HPSE2: variants seen among roughly 807,000 people sequenced by gnomAD.
HPSE2 encodes the protein heparanase 2 (inactive).
A neutral mutation model predicts 60.5 loss-of-function variants in HPSE2; 38 were observed. That is an observed-to-expected ratio of 0.63 (90% confidence interval 0.48 to 0.82). The LOEUF is 0.82. HPSE2 is among the 40% of genes least tolerant of loss of function. The pLI is 0.00. For synonymous variants in HPSE2, 295 were observed against 293.2 expected (o/e 1.01, Z -0.06); for missense variants, 713 against 740.4 (o/e 0.96, Z 0.43).
At chr10:98,688,542 C>T (rs1459976875) in intron 6 of HPSE2, among the ~76,000 whole-genome samples, 1 of 133,756 alleles carries the variant, frequency 7.5e-6, no homozygotes, top group African/African-American at 2.8e-5. Context: ...ATGATACTAT[C>T]TCGGCTAACT....
In HPSE2 at chr10:99,126,423, C is replaced by G. The variant is rs868849897; in HGVS notation, c.610+17815G>C. ...ATCCAAGCTTTATGGCCCCACCCAT[C>G]GCCTGGGAAACCAGAATAGTTACCC... On this transcript the variant is annotated intron_variant, in intron 3 of 11. Transcript: ENST00000370552. This position sits in a 1 kb window ranked among gnomAD's most constrained non-coding sequence, Gnocchi z 4.0. Among the ~76,000 whole-genome samples, 26 of 152,090 alleles carry G rather than the reference C, an allele frequency of 1.7e-4. No individual in the cohort carries two copies. The highest frequency in any genetic ancestry group is 5.3e-4 in the African/African-American group (22 of 41,398).
At chr10:98,802,840 A>G (rs1454610853) in intron 3 of HPSE2, among the ~76,000 whole-genome samples, 10 of 143,990 alleles carry the variant, frequency 6.9e-5, no homozygotes, top group Non-Finnish European at 1.5e-5. Flanking sequence ...ATACCCAGTA[A>G]TGGGATGGCT....
intron 6 of HPSE2, among the ~76,000 whole-genome samples, chr10:98,656,844 C>G (rs1372160738): frequency 6.6e-6 from 1 of 151,554 alleles, no homozygotes; most frequent in Non-Finnish European, 1.5e-5. Context: ...TCACTGCAAC[C>G]TCCGTCTCCC....
intron 11 of HPSE2, among the ~76,000 whole-genome samples, chr10:98,460,890 C>T (rs1272863531): frequency 6.6e-6 from 1 of 152,218 alleles, no homozygotes; most frequent in Non-Finnish European, 1.5e-5. Flanking sequence ...CTGTTCCTGA[C>T]AGCCATGCAC....
chr10:99,213,983 T>C (rs1241993777), intron 2 of HPSE2, among the ~76,000 whole-genome samples: 1 of 152,176 alleles, frequency 6.6e-6, no homozygotes, highest in African/African-American at 2.4e-5. Flanking sequence ...ATCTAGAATA[T>C]ATGAAAAACT....
At chr10:99,250,858 A>C in the HPSE2 span, among the ~76,000 whole-genome samples, 7 of 152,314 alleles carry the variant, frequency 4.6e-5, no homozygotes, top group South Asian at 1.4e-3. Context: ...TATCAAAAGC[A>C]ATATTAAGAG....
rs973129806 is a variant in HPSE2, at chr10:99,174,099, T to C, written c.449-29700A>G. 2.0e-5 allele frequency among the ~76,000 whole-genome samples: 3 copies of C among 152,216 alleles called. No individual in the cohort carries two copies. In the East Asian group the frequency reaches 5.8e-4, roughly 29 times the overall value. On this transcript the variant is annotated intron_variant, in intron 2 of 11. Coordinates refer to ENST00000370552, the MANE Select transcript of HPSE2 (RefSeq NM_021828.5). Reference sequence around the variant, plus strand: ...CAGTCACAGAAGACAAAACTCTCGTTAGACAATGAAATTTTTCTAACAAAA... The same window carrying C: ...CAGTCACAGAAGACAAAACTCTCGTCAGACAATGAAATTTTTCTAACAAAA...
chr10:98,939,545 A>G (rs1954923603), intron 3 of HPSE2, among the ~76,000 whole-genome samples: 1 of 143,832 alleles, frequency 7.0e-6, no homozygotes, highest in Admixed American at 6.9e-5. Flanking sequence ...TCCTAAATAT[A>G]TATGCACCCA....
At chr10:99,167,427 T>C (rs554604390) in intron 2 of HPSE2, among the ~76,000 whole-genome samples, 3 of 152,370 alleles carry the variant, frequency 2.0e-5, no homozygotes, top group East Asian at 3.9e-4. Context: ...ATGATTGTTT[T>C]AGTTATTTTT....
At chr10:98,954,061 T>C (rs1312574462) in intron 3 of HPSE2, among the ~76,000 whole-genome samples, 1 of 152,126 alleles carries the variant, frequency 6.6e-6, no homozygotes. Flanking sequence ...ATCCCAGCAC[T>C]TTGGGAGGCC....
At chr10:98,624,279 C>G (rs1164707923) in intron 7 of HPSE2, among the ~76,000 whole-genome samples, 3 of 152,140 alleles carry the variant, frequency 2.0e-5, no homozygotes, top group East Asian at 3.8e-4. Flanking sequence ...AAGGTCAGTA[C>G]TTTAGATAGC....
chr10:98,473,713 A>T (rs2133614946), intron 11 of HPSE2, among the ~76,000 whole-genome samples: 1 of 152,270 alleles, frequency 6.6e-6, no homozygotes, highest in Non-Finnish European at 1.5e-5. Context: ...AGAAAAATTG[A>T]TAAAGAAGAA....
intron 3 of HPSE2, among the ~76,000 whole-genome samples, chr10:98,874,565 A>G (rs1589989276): frequency 6.6e-6 from 1 of 152,186 alleles, no homozygotes; most frequent in East Asian, 1.9e-4. Flanking sequence ...AACAGAGACA[A>G]TTTGACTTCC....
intron 3 of HPSE2, among the ~76,000 whole-genome samples, chr10:98,937,073 C>A (rs542515094): frequency 7.3e-6 from 1 of 137,892 alleles, no homozygotes; most frequent in African/African-American, 3.0e-5. Flanking sequence ...TATACAATAA[C>A]GTTTTAAAAA....
intron 3 of HPSE2, among the ~76,000 whole-genome samples, chr10:98,855,298 T>C (rs776490074): frequency 2.2e-4 from 33 of 152,114 alleles, no homozygotes; most frequent in Non-Finnish European, 4.1e-4. Flanking sequence ...TAAATCTCAC[T>C]GGGCACGCTT....
intron 3 of HPSE2, among the ~76,000 whole-genome samples, chr10:98,833,480 A>G (rs189590695): frequency 2.0e-5 from 3 of 152,312 alleles, no homozygotes; most frequent in African/African-American, 7.2e-5. Context: ...TCAAAATGAT[A>G]TTGTTATTAA....
chr10:99,119,107 G>A (rs1276510739), intron 3 of HPSE2, among the ~76,000 whole-genome samples: 1 of 148,326 alleles, frequency 6.7e-6, no homozygotes, highest in Non-Finnish European at 1.5e-5. Flanking sequence ...GAGGGAGGGA[G>A]GGAGGGAGGG....
At chr10:99,176,934 C>CGTTT (rs900617923) in intron 2 of HPSE2, among the ~76,000 whole-genome samples, 3 of 150,612 alleles carry the variant, frequency 2.0e-5, no homozygotes, top group Admixed American at 1.3e-4. Flanking sequence ...CTGCAGAAAC[C>CGTTT]CTACAAGTCA....
chr10:99,121,823 A>G (rs928605811), intron 3 of HPSE2, among the ~76,000 whole-genome samples: 7 of 152,170 alleles, frequency 4.6e-5, no homozygotes, highest in African/African-American at 1.7e-4. Flanking sequence ...TATATCTACA[A>G]TGATGTTCAT....
Sources: allele counts gnomAD v4.1 joint callset (sites outside exome capture counted in the v4.1 genomes callset), GRCh38; gene constraint gnomAD v4.1.1; non-coding constraint Gnocchi (gnomAD v3.1); transcripts MANE v1.5; gene names NCBI Gene and HGNC (gene_info 2026-07-23, HGNC 2026-07-21).